DCLK2: variants seen among roughly 807,000 people sequenced by gnomAD.
DCLK2 encodes doublecortin like kinase 2.
Under a neutral mutation model 78.4 loss-of-function variants are expected in DCLK2, and 31 were observed. The observed-to-expected ratio is 0.40, with a 90% CI of 0.30 to 0.53. The LOEUF (loss-of-function observed/expected upper bound fraction) is 0.53. DCLK2 is among the 20% of genes least tolerant of loss of function. The pLI, the probability that DCLK2 is intolerant of heterozygous loss-of-function variation, is 0.61. For synonymous variants in DCLK2, 407 were observed against 374.9 expected, an observed-to-expected ratio of 1.09 and a Z score of -0.99; for missense variants, 872 against 973.7, an observed-to-expected ratio of 0.90 and a Z score of 1.39.
At chr4:150,230,365 G>A (rs1305592380) in intron 8 of DCLK2, among the ~76,000 whole-genome samples, 1 of 152,126 alleles carries the variant, frequency 6.6e-6, no homozygotes, top group Non-Finnish European at 1.5e-5. Flanking sequence ...TTGGGGTACT[G>A]GTGAGGGGAT....
intron 5 of DCLK2, among the ~76,000 whole-genome samples, chr4:150,206,246 C>T (rs983136681): frequency 6.6e-6 from 1 of 152,028 alleles, no homozygotes; most frequent in Admixed American, 6.5e-5. Flanking sequence ...TTTTTAAAAC[C>T]TAATAAATTG....
chr4:150,105,175 G>GC (rs1731166922), intron 2 of DCLK2, among the ~76,000 whole-genome samples: 1 of 152,126 alleles, frequency 6.6e-6, no homozygotes, highest in Non-Finnish European at 1.5e-5. Flanking sequence ...CAATAGTTAT[G>GC]TTGAAATGGG....
chr4:150,180,783 T>G (rs553529585), intron 2 of DCLK2, among the ~76,000 whole-genome samples: 1 of 152,102 alleles, frequency 6.6e-6, no homozygotes, highest in Non-Finnish European at 1.5e-5. Flanking sequence ...AGGTGGGTCG[T>G]AGAAACCAGA....
At position 150,248,397 on chromosome 4, in the gene DCLK2, C is replaced by T. The variant is rs147816333; in HGVS notation, c.1956+12C>T. 33 of 1,611,176 alleles carry T rather than the reference C, an allele frequency of 2.0e-5. No individual in the cohort carries two copies. Among genetic ancestry groups the T allele is most frequent in the Non-Finnish European group, 2.7e-5 (32 of 1,177,528 alleles). On this transcript the variant is annotated intron_variant, in intron 14 of 15. Coordinates refer to ENST00000296550, the MANE Select transcript of DCLK2 (RefSeq NM_001040260.4). Reference sequence around the variant, plus strand: ...ACCCCTGGGTGTCAGTAAGTACCCACATTCCCAGGGAATGGGCCTCACTGT... The same window carrying T: ...ACCCCTGGGTGTCAGTAAGTACCCATATTCCCAGGGAATGGGCCTCACTGT...
At position 150,184,966 on chromosome 4, in the gene DCLK2, A is replaced by G. The variant is rs1317889892; in HGVS notation, c.757-8172A>G. On this transcript the variant is annotated intron_variant, in intron 2 of 15. Transcript: ENST00000296550. ...TCGGGTTCAGAATGTAAGTGTCCAGAGAAGATGATCTCTGTGTGTCCTCTT... is the reference window on the plus strand; with the variant it reads ...TCGGGTTCAGAATGTAAGTGTCCAGGGAAGATGATCTCTGTGTGTCCTCTT... 2.0e-5 allele frequency among the ~76,000 whole-genome samples: 3 copies of G among 152,178 alleles called. No individual in the cohort carries two copies. The East Asian group carries it at 5.8e-4, about 29-fold the overall frequency.
At chr4:150,160,778 C>G (rs1735646869) in intron 2 of DCLK2, among the ~76,000 whole-genome samples, 1 of 152,124 alleles carries the variant, frequency 6.6e-6, no homozygotes, top group African/African-American at 2.4e-5. Context: ...CCTCTTTGCT[C>G]CGGATATTTG....
intron 1 of DCLK2, among the ~76,000 whole-genome samples, chr4:150,084,144 T>G (rs1729491571): frequency 6.6e-6 from 1 of 152,220 alleles, no homozygotes; most frequent in African/African-American, 2.4e-5. Flanking sequence ...TTTCTTTACT[T>G]CTATTATAAC....
At chr4:150,182,220 G>A (rs1281779385) in intron 2 of DCLK2, among the ~76,000 whole-genome samples, 1 of 151,662 alleles carries the variant, frequency 6.6e-6, no homozygotes, top group African/African-American at 2.4e-5. Flanking sequence ...CTAATTTTTT[G>A]ATTTTCTGTA....
rs773600400 is a variant in DCLK2 at position 150,239,838 on chromosome 4, C to T, written c.1663C>T (p.Pro555Ser). 5.6e-6 allele frequency: 9 copies of T among 1,614,192 alleles called. No individual in the cohort carries two copies. Among genetic ancestry groups the T allele is most frequent in the East Asian group, 2.2e-5 (1 of 44,886 alleles). ...CCCTTTATACACAGTCTGTGGCACA[C>T]CCACTTATGTGGCTCCAGAAATCAT... ...EGPLYTVCGTPTYVAPEIIAE... is the reference protein window; with the variant it reads ...EGPLYTVCGTSTYVAPEIIAE... The change falls in exon 11 of 16, where the codon CCC (proline) becomes TCC (serine). Residue 555 changes from proline (P) to serine (S), a missense_variant. Around this residue, in one of 3 missense-constraint regions of DCLK2, gnomAD observed 86 missense variants for 150.3 expected, o/e 0.57. Transcript: ENST00000296550.
intron 12 of DCLK2, among the ~76,000 whole-genome samples, chr4:150,242,458 T>C (rs537539248): frequency 6.6e-6 from 1 of 152,382 alleles, no homozygotes; most frequent in African/African-American, 2.4e-5. Context: ...AGTTAGCTTT[T>C]GCTGAGTAAC....
chr4:150,094,689 G>T (rs1730336359), intron 1 of DCLK2, among the ~76,000 whole-genome samples: 1 of 152,226 alleles, frequency 6.6e-6, no homozygotes, highest in African/African-American at 2.4e-5. Flanking sequence ...TGCAAACCAT[G>T]AAATGTGTAA....
chr4:150,138,350 C>T (rs900953760), intron 2 of DCLK2, among the ~76,000 whole-genome samples: 3 of 152,168 alleles, frequency 2.0e-5, no homozygotes, highest in African/African-American at 4.8e-5. Context: ...GGCTCATGCC[C>T]GTAATCCCAG....
intron 4 of DCLK2, chr4:150,198,912 C>CA (rs1429976174): frequency 4.0e-6 from 2 of 505,634 alleles, no homozygotes; most frequent in Non-Finnish European, 3.4e-6. Flanking sequence ...CTTTCAGCAC[C>CA]CCCCCCCCCA....
intron 2 of DCLK2, among the ~76,000 whole-genome samples, chr4:150,189,607 G>C (rs1198040082): frequency 1.3e-5 from 2 of 152,182 alleles, no homozygotes; most frequent in African/African-American, 4.8e-5. Context: ...TAGGGATTGA[G>C]ATAATACATG....
At chr4:150,094,366 A>G (rs1353323196) in intron 1 of DCLK2, among the ~76,000 whole-genome samples, 3 of 152,226 alleles carry the variant, frequency 2.0e-5, no homozygotes, top group Non-Finnish European at 4.4e-5. Context: ...CTGTGCTTCA[A>G]CTGTTTAAAA....
At chr4:150,113,449 G>A (rs1487946609) in intron 2 of DCLK2, among the ~76,000 whole-genome samples, 7 of 151,500 alleles carry the variant, frequency 4.6e-5, no homozygotes, top group Admixed American at 2.6e-4. Flanking sequence ...TTTGTTCAGG[G>A]TTTTCTGTTT....
chr4:150,174,722 C>T lies in DCLK2; in HGVS notation c.757-18416C>T, dbSNP rs1005190275. On this transcript the variant is annotated intron_variant, in intron 2 of 15. Transcript: ENST00000296550. Reference sequence around the variant, plus strand: ...ACTTAAAAAAATACATTAGGCTGGGCGCGGTGGCTCACACCTCTAATCCCA... The same window carrying T: ...ACTTAAAAAAATACATTAGGCTGGGTGCGGTGGCTCACACCTCTAATCCCA... Among the ~76,000 whole-genome samples the T allele has an allele frequency of 6.6e-5, 10 of 151,646 alleles. No individual in the cohort carries two copies. The East Asian group carries it at 1.2e-3, about 18-fold the overall frequency.
chr4:150,244,188 G>A (rs961898383), intron 12 of DCLK2, among the ~76,000 whole-genome samples: 1 of 152,076 alleles, frequency 6.6e-6, no homozygotes, highest in African/African-American at 2.4e-5. Context: ...TCCCACTCCA[G>A]CCTCTCAAAG....
At chr4:150,140,134 A>G (rs145771268) in intron 2 of DCLK2, among the ~76,000 whole-genome samples, 2 of 152,350 alleles carry the variant, frequency 1.3e-5, no homozygotes, top group East Asian at 1.9e-4. Context: ...TTTTCCCTCC[A>G]TAGAAAACAT....
Sources: gnomAD v4.1 joint callset for allele counts (sites outside exome capture counted in the v4.1 genomes callset) on GRCh38, gnomAD v4.1.1 for gene constraint, gnomAD v4.1.1 regional missense constraint, MANE v1.5 for transcripts, NCBI Gene and HGNC (gene_info 2026-07-23, HGNC 2026-07-21) for gene names.